SLC6A17: variants seen among roughly 807,000 people sequenced by gnomAD.
SLC6A17 encodes the protein sodium-dependent neutral amino acid transporter SLC6A17.
Under a neutral mutation model 64.5 loss-of-function variants are expected in SLC6A17, and 21 were observed. That is an observed-to-expected ratio of 0.33 (90% CI 0.23 to 0.47). The LOEUF (loss-of-function observed/expected upper bound fraction) is 0.47. Ranked by LOEUF, SLC6A17 falls within the 20% of genes least tolerant of loss-of-function variation. The probability of loss-of-function intolerance (pLI) is 1.00; values close to 1 mark genes in which losing one functional copy is unlikely to be tolerated. For missense variants in SLC6A17, 682 were observed against 963.2 expected, an observed-to-expected ratio of 0.71 and a Z score of 3.86; for synonymous variants, 372 against 399.5, an observed-to-expected ratio of 0.93 and a Z score of 0.82.
chr1:110,183,993 G>A (rs1656607637), intron 6 of SLC6A17, among the ~76,000 whole-genome samples: 1 of 151,922 alleles, frequency 6.6e-6, no homozygotes, highest in African/African-American at 2.4e-5. Flanking sequence ...GGACTCTCTA[G>A]CATGGAGATC....
At chr1:110,178,861 G>A (rs959554165) in intron 6 of SLC6A17, 5 of 152,188 alleles carry the variant, frequency 3.3e-5, no homozygotes, top group Non-Finnish European at 7.3e-5. Context: ...ATTAGGTTCT[G>A]TCATGGGAAT....
chr1:110,192,239 C>T lies in SLC6A17; in HGVS notation c.1106+26C>T, dbSNP rs1253768974. ...GTAGGTGGCATCTCTCCTCCTGTCC[C>T]TCCTTCTCCCTGTCTACCTTACCTG... is the stretch of plus-strand genomic sequence containing the variant. On this transcript the variant is annotated intron_variant, in intron 7 of 11. Transcript: ENST00000331565. This position sits in a 1 kb window ranked among gnomAD's most constrained non-coding sequence, Gnocchi z 4.3. 6 of 1,591,222 alleles carry T rather than the reference C, an allele frequency of 3.8e-6. No homozygotes were observed. The Admixed American group carries it at 6.7e-5, about 18-fold the overall frequency.
chr1:110,167,162 T>C lies in SLC6A17; in HGVS notation c.233T>C (p.Val78Ala). Residue 78 changes from valine to alanine, a missense_variant, in exon 2 of 12, where the codon GTG becomes GCG. Coordinates refer to ENST00000331565, the MANE Select transcript of SLC6A17 (RefSeq NM_001010898.4). Reference sequence around the variant, plus strand: ...ATCCTGGCCCAGATTGGCTTCTCTGTGGGCCTCGGCAACATCTGGAGGTTC... The same window carrying C: ...ATCCTGGCCCAGATTGGCTTCTCTGCGGGCCTCGGCAACATCTGGAGGTTC... ...QYILAQIGFS[V>A]GLGNIWRFPY... 6.2e-7 allele frequency: 1 copy of C among 1,613,632 alleles called. No individual in the cohort carries two copies. Among genetic ancestry groups the C allele is most frequent in the Non-Finnish European group, 8.5e-7 (1 of 1,179,878 alleles).
chr1:110,185,274 G>A (rs1173081492), intron 6 of SLC6A17, among the ~76,000 whole-genome samples: 1 of 152,246 alleles, frequency 6.6e-6, no homozygotes, highest in Non-Finnish European at 1.5e-5. Flanking sequence ...CAAGTGGAGA[G>A]CATGTGGTAA....
rs60428453 is a variant in SLC6A17, at chr1:110,198,479, G to A, written c.*35G>A. ...AAGCCCTGCCCGCCTCTCCCCCCAC[G>A]CTCAACCTGCCCACTTGTCCAGGCC... On this transcript the variant is annotated 3_prime_UTR_variant, in exon 12 of 12. Transcript: ENST00000331565. 4,368 of 1,574,366 alleles carry A rather than the reference G, an allele frequency of 2.8e-3. 114 individuals are homozygous for A. In the African/African-American group the frequency reaches 0.052, roughly 19 times the overall value.
chr1:110,197,583 C>A lies in SLC6A17; in HGVS notation c.1799C>A (p.Ala600Asp). The A allele has an allele frequency of 6.2e-7, 1 of 1,604,356 alleles. No individual in the cohort carries two copies. ...QLGVTPPGYSAWIKEEAAERY... is the reference protein window; with the variant it reads ...QLGVTPPGYSDWIKEEAAERY... ...GGGGTCACGCCCCCGGGCTACAGCGCCTGGATCAAGGAGGAGGTGAGGGGT... is the reference window on the plus strand; with the variant it reads ...GGGGTCACGCCCCCGGGCTACAGCGACTGGATCAAGGAGGAGGTGAGGGGT... Residue 600 changes from alanine (A) to aspartate (D), a missense_variant, in exon 11 of 12, where the codon GCC (alanine) becomes GAC (aspartate). Around this residue, in one of 3 missense-constraint regions of SLC6A17, gnomAD observed 264 missense variants for 339.5 expected, o/e 0.78. Transcript: ENST00000331565.
chr1:110,177,901 T>A (rs570405650), intron 6 of SLC6A17: 1 of 152,390 alleles, frequency 6.6e-6, no homozygotes, highest in Admixed American at 6.5e-5. Flanking sequence ...AGACAGTGCC[T>A]AAATGGTCCC....
intron 2 of SLC6A17, among the ~76,000 whole-genome samples, chr1:110,169,354 G>C (rs757220775): frequency 2.0e-5 from 3 of 152,050 alleles, no homozygotes; most frequent in Admixed American, 1.3e-4. Context: ...ATAGGTGTTG[G>C]GTCAAAGCTT....
intron 6 of SLC6A17, among the ~76,000 whole-genome samples, chr1:110,190,086 T>C (rs1201591474): frequency 6.6e-6 from 1 of 152,184 alleles, no homozygotes; most frequent in East Asian, 1.9e-4. Flanking sequence ...CAGCAGGTGC[T>C]CAGAGATTGA....
intron 6 of SLC6A17, among the ~76,000 whole-genome samples, chr1:110,187,725 A>G (rs1023057924): frequency 2.0e-5 from 3 of 152,206 alleles, no homozygotes; most frequent in Admixed American, 2.0e-4. Flanking sequence ...TGTGATTGAC[A>G]TTTGCGAATA....
chr1:110,191,670 C>G (rs1006791395), intron 6 of SLC6A17, among the ~76,000 whole-genome samples: 2 of 152,124 alleles, frequency 1.3e-5, no homozygotes, highest in East Asian at 1.9e-4. Flanking sequence ...TGACGATGTT[C>G]CTTAGTATGA....
intron 2 of SLC6A17, among the ~76,000 whole-genome samples, chr1:110,170,546 C>T (rs1394488469): frequency 6.6e-6 from 1 of 152,212 alleles, no homozygotes; most frequent in Non-Finnish European, 1.5e-5. Context: ...GATCACTTAG[C>T]TTCTTTTCCA....
In SLC6A17 at chr1:110,166,944, C is replaced by T. The variant is rs1269244776; in HGVS notation, c.15C>T (p.Ser5=). The change falls in exon 2 of 12, where the codon AGC becomes AGT. Residue 5 remains serine, a synonymous_variant. Coordinates refer to ENST00000331565, the MANE Select transcript of SLC6A17 (RefSeq NM_001010898.4). ...AGGTGGCATCAATGCCGAAGAACAG[C>T]AAAGTGACCCAGCGTGAGCACAGCA... MPKN[S]KVTQREHSSE... 2 of 1,609,210 alleles carry T rather than the reference C, an allele frequency of 1.2e-6. No individual in the cohort carries two copies. The highest frequency in any genetic ancestry group is 1.3e-5 in the African/African-American group (1 of 74,802).
At position 110,173,960 on chromosome 1, in the gene SLC6A17, G is replaced by A. The variant is rs747254819; in HGVS notation, c.445-13G>A. 2 of 1,612,704 alleles carry A rather than the reference G, an allele frequency of 1.2e-6. No individual in the cohort carries two copies. The highest frequency in any genetic ancestry group is 1.7e-6 in the Non-Finnish European group (2 of 1,179,394). On this transcript the variant is annotated splice_polypyrimidine_tract_variant and intron_variant, in intron 3 of 11. Coordinates refer to ENST00000331565, the MANE Select transcript of SLC6A17 (RefSeq NM_001010898.4). Reference sequence around the variant, plus strand: ...CTGCAGCCTCAGTGACCCCGCAGTGGGCTTGTCCCCAGGTCTGTCTCTTTG... The same window carrying A: ...CTGCAGCCTCAGTGACCCCGCAGTGAGCTTGTCCCCAGGTCTGTCTCTTTG...
chr1:110,158,134 A>G (rs988412678), intron 1 of SLC6A17, among the ~76,000 whole-genome samples: 2 of 152,238 alleles, frequency 1.3e-5, no homozygotes, highest in Non-Finnish European at 2.9e-5. Flanking sequence ...GAGCAGGGAC[A>G]TTATTTGCTC....
chr1:110,195,785 G>A (rs1656948872), intron 10 of SLC6A17, 40 bp downstream of exon 10: 1 of 1,612,166 alleles, frequency 6.2e-7, no homozygotes, highest in Non-Finnish European at 8.5e-7. Context: ...GGGAGGAGGG[G>A]TCTGTCCTAT....
intron 1 of SLC6A17, among the ~76,000 whole-genome samples, chr1:110,152,505 TG>T (rs2101834716): frequency 6.6e-6 from 1 of 152,150 alleles, no homozygotes; most frequent in African/African-American, 2.4e-5. Flanking sequence ...TGGGCAGAGG[TG>T]GGCAAGTCCT....
intron 4 of SLC6A17, among the ~76,000 whole-genome samples, 186 bp from the exon 5 acceptor site, chr1:110,174,593 C>T (rs148948938): frequency 6.6e-6 from 1 of 152,314 alleles, no homozygotes; most frequent in African/African-American, 2.4e-5. Flanking sequence ...CTCCCAGACC[C>T]CAGTGGGAGC....
chr1:110,191,786 G>A (rs1426031891), intron 6 of SLC6A17, among the ~76,000 whole-genome samples, 186 bp from the exon 7 acceptor site: 1 of 152,180 alleles, frequency 6.6e-6, no homozygotes, highest in Non-Finnish European at 1.5e-5. Context: ...TGATACTCTT[G>A]TGATCTGCGT....
Sources: gnomAD v4.1 joint callset for allele counts (sites outside exome capture counted in the v4.1 genomes callset) on GRCh38, gnomAD v4.1.1 for gene constraint, gnomAD v4.1.1 regional missense constraint, Gnocchi (gnomAD v3.1) non-coding constraint, MANE v1.5 for transcripts, NCBI Gene and HGNC (gene_info 2026-07-23, HGNC 2026-07-21) for gene names.